The following GLIS3 variants were observed in gnomAD, a reference collection of about 807,000 sequenced individuals.
GLIS3 encodes the protein zinc finger protein GLIS3.
GLIS3 carries 53 observed loss-of-function variants against 78.6 expected under a neutral mutation model. The observed-to-expected ratio is 0.67, with a 90% confidence interval of 0.54 to 0.85. The LOEUF is 0.85. GLIS3 is among the 40% of genes least tolerant of loss of function. The pLI, the probability that GLIS3 is intolerant of heterozygous loss-of-function variation, is 0.00. For missense variants in GLIS3, 1,703 were observed against 1,231.1 expected (o/e 1.38, Z -5.74); for synonymous variants, 684 against 509.9 (o/e 1.34, Z -4.60).
At chr9:4,062,873 G>C (rs1376964002) in intron 4 of GLIS3, among the ~76,000 whole-genome samples, 1 of 151,762 alleles carries the variant, frequency 6.6e-6, no homozygotes, top group Non-Finnish European at 1.5e-5. Flanking sequence ...AGCTTGCAGT[G>C]AGCTGAGATC....
Position 3,926,904 on chromosome 9 carries a change from C to T in GLIS3, c.1983+5456G>A, listed in dbSNP as rs554709204. 1.1e-4 allele frequency among the ~76,000 whole-genome samples: 17 copies of T among 152,346 alleles called. No individual in the cohort carries two copies. The South Asian group carries it at 1.7e-3, about 15-fold the overall frequency. On this transcript the variant is annotated intron_variant, in intron 6 of 10. Transcript: ENST00000381971. Reference sequence around the variant, plus strand: ...CCTCCCAAAGTGCTGGGATTACAGGCGTGAGCCATTGGGCCTGGCCTCATT... The same window carrying T: ...CCTCCCAAAGTGCTGGGATTACAGGTGTGAGCCATTGGGCCTGGCCTCATT...
intron 4 of GLIS3, among the ~76,000 whole-genome samples, chr9:4,040,663 G>A (rs997530971): frequency 1.3e-5 from 2 of 152,216 alleles, no homozygotes; most frequent in African/African-American, 4.8e-5. Context: ...GATAAAGACA[G>A]AGTTTCTTCA....
At chr9:4,021,677 G>A (rs769038332) in intron 4 of GLIS3, among the ~76,000 whole-genome samples, 3 of 152,190 alleles carry the variant, frequency 2.0e-5, no homozygotes, top group South Asian at 2.1e-4. Context: ...TACTGCCACC[G>A]TTCCTCCTGG....
At chr9:4,444,555 G>A in the GLIS3 span, among the ~76,000 whole-genome samples, 13 of 152,298 alleles carry the variant, frequency 8.5e-5, no homozygotes, top group East Asian at 2.3e-3. Flanking sequence ...GCCCACATAT[G>A]AAGTAAAACA....
chr9:4,410,158 G>C, the GLIS3 span, among the ~76,000 whole-genome samples: 2 of 143,138 alleles, frequency 1.4e-5, no homozygotes, highest in Non-Finnish European at 3.0e-5. Context: ...TTTTTCTTAA[G>C]CAGAGACAGT....
chr9:4,427,702 T>C, the GLIS3 span, among the ~76,000 whole-genome samples: 361 of 151,792 alleles, frequency 2.4e-3, 1 homozygote, highest in African/African-American at 8.4e-3. Flanking sequence ...CTACTAAAAG[T>C]ACAAAAAGTA....
At chr9:4,336,411 T>G (rs1191091313) in intron 2 of GLIS3, among the ~76,000 whole-genome samples, 3 of 152,176 alleles carry the variant, frequency 2.0e-5, no homozygotes, top group Non-Finnish European at 2.9e-5. Context: ...ATACTCTGGG[T>G]GGCAGTTCTG....
chr9:4,050,961 A>T (rs1422910270), intron 4 of GLIS3, among the ~76,000 whole-genome samples: 5 of 152,180 alleles, frequency 3.3e-5, no homozygotes, highest in Non-Finnish European at 7.4e-5. Flanking sequence ...AACTACAAAG[A>T]TTTATTTTTC....
At chr9:4,036,358 T>C (rs1360906654) in intron 4 of GLIS3, among the ~76,000 whole-genome samples, 1 of 152,190 alleles carries the variant, frequency 6.6e-6, no homozygotes, top group Non-Finnish European at 1.5e-5. Context: ...AGTTTTACTA[T>C]TCTCTGCTCC....
At chr9:3,887,312 A>C (rs1822146103) in intron 7 of GLIS3, among the ~76,000 whole-genome samples, 2 of 152,180 alleles carry the variant, frequency 1.3e-5, no homozygotes, top group African/African-American at 4.8e-5. Flanking sequence ...CCCATGCACC[A>C]AGACAAAGGA....
the GLIS3 span, among the ~76,000 whole-genome samples, chr9:4,430,680 G>T: frequency 2.2e-4 from 34 of 152,308 alleles, 1 homozygote; most frequent in Admixed American, 1.6e-3. Flanking sequence ...GGAAGGCCAT[G>T]GGTTAGGAGC....
the GLIS3 span, among the ~76,000 whole-genome samples, chr9:4,449,555 G>C: frequency 6.6e-6 from 1 of 152,212 alleles, no homozygotes; most frequent in African/African-American, 2.4e-5. Flanking sequence ...CTAACTGGGA[G>C]ACATCTCCCA....
chr9:4,129,708 G>T (rs1832829641), intron 2 of GLIS3, among the ~76,000 whole-genome samples: 1 of 152,080 alleles, frequency 6.6e-6, no homozygotes, highest in African/African-American at 2.4e-5. Context: ...TTATAAATTA[G>T]CCAGGCTCGG....
chr9:4,129,522 T>C (rs959410467), intron 2 of GLIS3, among the ~76,000 whole-genome samples: 4 of 152,082 alleles, frequency 2.6e-5, no homozygotes, highest in Non-Finnish European at 5.9e-5. Context: ...GTGATCTGGA[T>C]GTTTCAAAGT....
intron 7 of GLIS3, among the ~76,000 whole-genome samples, chr9:3,891,310 GGAA>G (rs1170534385): frequency 2.6e-5 from 4 of 152,284 alleles, no homozygotes; most frequent in African/African-American, 7.2e-5. Flanking sequence ...TCGGGTTACA[GGAA>G]GAAGTGTCAT....
chr9:4,469,913 A>G, the GLIS3 span, among the ~76,000 whole-genome samples: 83,941 of 151,756 alleles, frequency 0.55, 24,417 homozygotes, highest in Middle Eastern at 0.66. Flanking sequence ...AAAGAGAGAA[A>G]AATCAAATAG....
intron 4 of GLIS3, among the ~76,000 whole-genome samples, chr9:4,074,556 G>A (rs1009910795): frequency 6.6e-6 from 1 of 152,028 alleles, no homozygotes; most frequent in African/African-American, 2.4e-5. Flanking sequence ...CTACCCAACT[G>A]TATTATATTT....
chr9:4,292,663 T>C (rs748045955), intron 1 of GLIS3, among the ~76,000 whole-genome samples: 4 of 152,228 alleles, frequency 2.6e-5, no homozygotes, highest in Non-Finnish European at 5.9e-5. Flanking sequence ...AATTGATCAA[T>C]TGTGCTCAAT....
chr9:3,973,020 CTT>C (rs1818502095), intron 4 of GLIS3, among the ~76,000 whole-genome samples: 1 of 152,080 alleles, frequency 6.6e-6, no homozygotes, highest in South Asian at 2.1e-4. Flanking sequence ...CTCAAAACAC[CTT>C]CAGGTGCAAT....
Sources: allele counts gnomAD v4.1 joint callset (sites outside exome capture counted in the v4.1 genomes callset), GRCh38; gene constraint gnomAD v4.1.1; transcripts MANE v1.5; gene names NCBI Gene and HGNC (gene_info 2026-07-23, HGNC 2026-07-21).